LRP1B: variants seen among roughly 807,000 people sequenced by gnomAD.
LRP1B encodes LDL receptor related protein 1B, also known as low-density lipoprotein receptor-related protein 1B.
A neutral mutation model predicts 556.6 loss-of-function variants in LRP1B; 217 were observed. The ratio of observed to expected loss-of-function variants is 0.39; its 90% CI spans 0.35 to 0.44. The LOEUF is 0.44. LRP1B is among the 20% of genes least tolerant of loss of function. The pLI, the probability that LRP1B is intolerant of heterozygous loss-of-function variation, is 1.00. For missense variants in LRP1B, 5,053 were observed against 5,620.8 expected, an observed-to-expected ratio of 0.90 and a Z score of 3.23; for synonymous variants, 2,047 against 1,865.8, an observed-to-expected ratio of 1.10 and a Z score of -2.50.
At chr2:141,277,725 A>T (rs1685357497) in intron 3 of LRP1B, among the ~76,000 whole-genome samples, 1 of 148,840 alleles carries the variant, frequency 6.7e-6, no homozygotes, top group Non-Finnish European at 1.5e-5. Flanking sequence ...AGCCTATGAC[A>T]CCCAGGGAAA....
At chr2:140,973,632 G>A (rs140546830) in intron 18 of LRP1B, among the ~76,000 whole-genome samples, 104 of 152,200 alleles carry the variant, frequency 6.8e-4, no homozygotes, top group Non-Finnish European at 1.1e-3. Context: ...TAAGGCTGTC[G>A]TCCAAGATTA....
At chr2:141,468,448 T>C (rs978937599) in intron 3 of LRP1B, among the ~76,000 whole-genome samples, 2 of 152,144 alleles carry the variant, frequency 1.3e-5, no homozygotes, top group African/African-American at 4.8e-5. Context: ...TTTGATAGAG[T>C]GCACATATAT....
chr2:140,465,710 A>G (rs1378371906), intron 60 of LRP1B, among the ~76,000 whole-genome samples: 1 of 150,254 alleles, frequency 6.7e-6, no homozygotes, highest in Non-Finnish European at 1.5e-5. Flanking sequence ...TGTGGCACTC[A>G]TGACATTTGC....
chr2:140,489,586 AT>A (rs1208335291), intron 57 of LRP1B, among the ~76,000 whole-genome samples: 3 of 152,222 alleles, frequency 2.0e-5, no homozygotes, highest in African/African-American at 7.2e-5. Context: ...TAAAATATAA[AT>A]TGAATGTGTT....
intron 21 of LRP1B, among the ~76,000 whole-genome samples, chr2:140,920,474 A>G (rs1255295288): frequency 6.6e-6 from 1 of 152,082 alleles, no homozygotes; most frequent in African/African-American, 2.4e-5. Flanking sequence ...GAAAATAATC[A>G]TGAACTTTGG....
At chr2:141,316,034 C>T (rs1038954851) in intron 3 of LRP1B, among the ~76,000 whole-genome samples, 1 of 151,378 alleles carries the variant, frequency 6.6e-6, no homozygotes, top group Admixed American at 6.6e-5. Flanking sequence ...AAATTCTAAA[C>T]GTATTCTACC....
chr2:141,206,527 C>A (rs568322626), intron 6 of LRP1B, among the ~76,000 whole-genome samples: 16 of 151,930 alleles, frequency 1.1e-4, no homozygotes, highest in African/African-American at 3.6e-4. Context: ...GCGGAGCTTG[C>A]AGTGAGCCGA....
chr2:141,298,238 G>A (rs1686255280), intron 3 of LRP1B, among the ~76,000 whole-genome samples: 1 of 152,180 alleles, frequency 6.6e-6, no homozygotes, highest in East Asian at 1.9e-4. Context: ...TAGTAAAAAT[G>A]TGGCCTTGCC....
chr2:140,689,579 A>G (rs1350430582), intron 41 of LRP1B, among the ~76,000 whole-genome samples: 1 of 152,198 alleles, frequency 6.6e-6, no homozygotes, highest in Non-Finnish European at 1.5e-5. Flanking sequence ...CAGTATCCCC[A>G]GCCTCCTTCA....
intron 1 of LRP1B, among the ~76,000 whole-genome samples, chr2:142,072,537 T>C (rs1705357856): frequency 1.3e-5 from 2 of 151,988 alleles, no homozygotes; most frequent in African/African-American, 2.4e-5. Context: ...CAGGAGAGAT[T>C]TGAATGCAGC....
chr2:140,440,837 A>G (rs947704784), intron 66 of LRP1B, among the ~76,000 whole-genome samples: 5 of 151,998 alleles, frequency 3.3e-5, no homozygotes, highest in African/African-American at 1.2e-4. Flanking sequence ...GAAAACATTT[A>G]AATATATTTT....
intron 2 of LRP1B, among the ~76,000 whole-genome samples, chr2:141,587,400 G>T (rs1274584303): frequency 1.3e-5 from 2 of 152,182 alleles, no homozygotes. Flanking sequence ...TATAAATAGT[G>T]CTTCTGTAAC....
intron 7 of LRP1B, among the ~76,000 whole-genome samples, chr2:141,185,573 T>C (rs1574167133): frequency 6.6e-6 from 1 of 151,554 alleles, no homozygotes; most frequent in Admixed American, 6.6e-5. Context: ...ACAAGGTTGA[T>C]TTAAAAATCT....
intron 2 of LRP1B, among the ~76,000 whole-genome samples, chr2:141,617,551 C>T (rs1688352607): frequency 6.6e-6 from 1 of 152,214 alleles, no homozygotes; most frequent in Admixed American, 6.5e-5. Flanking sequence ...TCAATGCTTT[C>T]CTTACTTAGC....
intron 77 of LRP1B, among the ~76,000 whole-genome samples, chr2:140,341,076 G>A (rs976237765): frequency 5.9e-5 from 9 of 151,502 alleles, no homozygotes; most frequent in African/African-American, 1.5e-4. Context: ...GGATCAACAG[G>A]AATTTTAGTC....
intron 14 of LRP1B, 23 bp downstream of exon 14, chr2:141,013,533 C>T (rs1487849629): frequency 6.4e-7 from 1 of 1,569,566 alleles, no homozygotes; most frequent in Non-Finnish European, 8.7e-7. Flanking sequence ...ATCTCAGAAG[C>T]ATTTTAATTT....
intron 1 of LRP1B, among the ~76,000 whole-genome samples, chr2:141,945,030 T>C (rs1700914104): frequency 6.6e-6 from 1 of 152,196 alleles, no homozygotes; most frequent in South Asian, 2.1e-4. Flanking sequence ...GTAACTGCTT[T>C]TCATGTATTC....
chr2:141,952,395 C>G (rs1347506158), intron 1 of LRP1B, among the ~76,000 whole-genome samples: 1 of 152,068 alleles, frequency 6.6e-6, no homozygotes, highest in Non-Finnish European at 1.5e-5. Context: ...TCAAATCATT[C>G]TTTAAACAAA....
chr2:141,218,258 A>C (rs974211606), intron 6 of LRP1B, among the ~76,000 whole-genome samples: 2 of 152,230 alleles, frequency 1.3e-5, no homozygotes, highest in African/African-American at 4.8e-5. Flanking sequence ...CAGAATTACT[A>C]TTCAACCTAG....
Sources: allele counts gnomAD v4.1 joint callset (sites outside exome capture counted in the v4.1 genomes callset), GRCh38; gene constraint gnomAD v4.1.1; transcripts MANE v1.5; gene names NCBI Gene and HGNC (gene_info 2026-07-23, HGNC 2026-07-21).